The following JADE3 variants were observed in gnomAD, a reference collection of about 807,000 sequenced individuals.
JADE3 encodes protein Jade-3.
In JADE3, 2 loss-of-function variants were observed where a neutral mutation model predicts 50.1. The ratio of observed to expected loss-of-function variants is 0.04; its 90% CI spans 0.02 to 0.13. The LOEUF is 0.13. JADE3 is among the 10% of genes least tolerant of loss of function. The pLI, the probability that JADE3 is intolerant of heterozygous loss-of-function variation, is 1.00. For synonymous variants in JADE3, 218 were observed against 232.9 expected, an observed-to-expected ratio of 0.94 and a Z score of 0.58; for missense variants, 475 against 634.4, an observed-to-expected ratio of 0.75 and a Z score of 2.70.
At chrX:46,980,476 A>G (rs1387803085) in intron 1 of JADE3, among the ~76,000 whole-genome samples, 1 of 110,391 alleles carries the variant, frequency 9.1e-6, no homozygotes, top group Non-Finnish European at 1.9e-5. Context: ...TCTTCTTAAC[A>G]GGGGCTTTCT....
chrX:47,058,525 G>A lies in JADE3; in HGVS notation c.1920G>A (p.Leu640=). The A allele has an allele frequency of 1.7e-6, 2 of 1,211,570 alleles. No homozygotes were observed. The highest frequency in any genetic ancestry group is 2.2e-6 in the Non-Finnish European group (2 of 895,378). Residue 640 remains leucine (L), a synonymous_variant, in exon 11 of 11, where the codon CTG becomes CTA. Transcript: ENST00000614628. ...ATGGGCAGTCACTGGGAAAGCCTCT[G>A]GTCCTTCAGGCTGCCCTCCATGGAC... is the stretch of plus-strand genomic sequence containing the variant. The part of the protein sequence containing the change: ...CYHGQSLGKP[L]VLQAALHGQS...
intron 5 of JADE3, among the ~76,000 whole-genome samples, 163 bp from the exon 6 acceptor site, chrX:47,027,729 A>G (rs782676938): frequency 8.0e-5 from 9 of 112,227 alleles, no homozygotes; most frequent in African/African-American, 2.9e-4. Flanking sequence ...TAAATGTTAG[A>G]GTAGCACTAG....
chrX:46,979,166 A>AT (rs1231476366), intron 1 of JADE3, among the ~76,000 whole-genome samples: 1 of 112,258 alleles, frequency 8.9e-6, no homozygotes, highest in Non-Finnish European at 1.9e-5. Flanking sequence ...ATAATACAAG[A>AT]TTTTTTGTTT....
Position 47,059,201 on chromosome X carries a change from T to G in JADE3, c.*124T>G. ...CAGTGAAAAGGATAACATTTTTCCA[T>G]AGTAAATTGTCTTGCAGTTTTTGAA... On this transcript the variant is annotated 3_prime_UTR_variant, in exon 11 of 11. Transcript: ENST00000614628. 2.0e-6 allele frequency: 1 copy of G among 508,782 alleles called. No homozygotes were observed. Among genetic ancestry groups the G allele is most frequent in the Non-Finnish European group, 3.1e-6 (1 of 326,815 alleles). The allele number at this position is 508,782 out of a possible 1,213,427, so 41.9% of individuals were successfully genotyped here.
intron 1 of JADE3, among the ~76,000 whole-genome samples, chrX:46,982,776 C>G (rs1927784168): frequency 9.0e-6 from 1 of 111,157 alleles, no homozygotes; most frequent in Non-Finnish European, 1.9e-5. Context: ...TGTCTCTTTA[C>G]TTGACCACAC....
intron 7 of JADE3, among the ~76,000 whole-genome samples, chrX:47,036,069 G>A (rs1556367894): frequency 9.0e-6 from 1 of 111,226 alleles, no homozygotes; most frequent in African/African-American, 3.3e-5. Context: ...ACTTGAGCCT[G>A]GGAGGTCGAG....
At chrX:47,055,143 C>T (rs1929608463) in intron 9 of JADE3, among the ~76,000 whole-genome samples, 1 of 110,810 alleles carries the variant, frequency 9.0e-6, no homozygotes, top group Admixed American at 9.7e-5. Context: ...ACACCCCCAG[C>T]GTGACAACCA....
chrX:47,033,560 C>G, intron 6 of JADE3, 61 bp from the exon 7 acceptor site: 1 of 987,905 alleles, frequency 1.0e-6, no homozygotes, highest in Non-Finnish European at 1.4e-6. Context: ...TGTATCAGAA[C>G]AGATACCAAC....
chrX:46,958,521 T>A (rs1167386021), intron 1 of JADE3, among the ~76,000 whole-genome samples: 5 of 111,492 alleles, frequency 4.5e-5, no homozygotes, highest in African/African-American at 9.8e-5. Context: ...GCATTTTTTT[T>A]AATCTATCAG....
chrX:47,027,855 A>G (rs782439886), intron 5 of JADE3, 37 bp from the exon 6 acceptor site: 2 of 1,134,385 alleles, frequency 1.8e-6, no homozygotes, highest in South Asian at 1.8e-5. Context: ...ATGACAGCTG[A>G]CTGATGGGTT....
chrX:46,925,706 C>A (rs1470515107), intron 1 of JADE3, among the ~76,000 whole-genome samples: 3 of 109,644 alleles, frequency 2.7e-5, no homozygotes, highest in Non-Finnish European at 5.7e-5. Context: ...CGCCTGTAGT[C>A]CCAGCTACCT....
rs188423406 is a variant in JADE3, at chrX:47,049,456, G to A, written c.973-4702G>A. ...GCTGGGATTATAGGCGTGAGCCACCGCGCCCAACCCTTTTTTTTTTTCAGG... is the reference window on the plus strand; with the variant it reads ...GCTGGGATTATAGGCGTGAGCCACCACGCCCAACCCTTTTTTTTTTTCAGG... On this transcript the variant is annotated intron_variant, in intron 8 of 10. Transcript: ENST00000614628. 6.6e-3 allele frequency among the ~76,000 whole-genome samples: 685 copies of A among 103,907 alleles called. 4 individuals carry two copies. Among genetic ancestry groups the A allele is most frequent in the African/African-American group, 0.023 (653 of 28,165 alleles). 90.2% of individuals were successfully genotyped at this position (103,907 alleles called of 115,157 possible).
chrX:46,957,967 G>A (rs1927171956), intron 1 of JADE3, among the ~76,000 whole-genome samples: 1 of 111,982 alleles, frequency 8.9e-6, no homozygotes, highest in African/African-American at 3.2e-5. Flanking sequence ...TGGGTCATAG[G>A]GTTTGGATAT....
At chrX:46,990,119 A>C (rs1927952346) in intron 3 of JADE3, among the ~76,000 whole-genome samples, 1 of 111,146 alleles carries the variant, frequency 9.0e-6, no homozygotes, top group Non-Finnish European at 1.9e-5. Flanking sequence ...TTTCTTGTTG[A>C]AACATTTTTA....
In JADE3 at chrX:46,959,976, T is replaced by G. The variant is rs368985416; in HGVS notation, c.-11-24908T>G. On this transcript the variant is annotated intron_variant, in intron 1 of 10. Transcript: ENST00000614628. ...TGAGATACAGCTTAGTCTCATTAAT[T>G]TACCAAGCTCACTTACCTGGTTAGC... Among the ~76,000 whole-genome samples, 614 of 111,618 alleles carry G rather than the reference T, an allele frequency of 5.5e-3. 5 individuals are homozygous for G. Among genetic ancestry groups the G allele is most frequent in the African/African-American group, 0.019 (590 of 30,702 alleles).
intron 1 of JADE3, among the ~76,000 whole-genome samples, chrX:46,925,548 G>A (rs1602370638): frequency 8.9e-6 from 1 of 111,960 alleles, no homozygotes; most frequent in Admixed American, 9.5e-5. Context: ...TTGGCTGGGC[G>A]CAGTGGCTCA....
chrX:46,938,898 G>A (rs909644323), intron 1 of JADE3, among the ~76,000 whole-genome samples: 2 of 112,480 alleles, frequency 1.8e-5, no homozygotes, highest in African/African-American at 6.5e-5. Context: ...CATGATCTCA[G>A]CTCACTGCAA....
intron 6 of JADE3, among the ~76,000 whole-genome samples, chrX:47,031,049 CA>C (rs370049910): frequency 1.6e-3 from 152 of 92,602 alleles, no homozygotes; most frequent in South Asian, 5.7e-3. Flanking sequence ...GACTCCATCT[CA>C]AAAAAAAAAA....
chrX:47,039,191 C>T, intron 8 of JADE3, 126 bp downstream of exon 8: 1 of 422,361 alleles, frequency 2.4e-6, no homozygotes, highest in East Asian at 3.9e-5. Flanking sequence ...TAGGGCTCTG[C>T]CATTGTACGG....
Sources: gnomAD v4.1 joint callset for allele counts (sites outside exome capture counted in the v4.1 genomes callset) on GRCh38, gnomAD v4.1.1 for gene constraint, MANE v1.5 for transcripts, NCBI Gene and HGNC (gene_info 2026-07-23, HGNC 2026-07-21) for gene names.